PARD3B: variants seen among roughly 807,000 people sequenced by gnomAD.
The protein encoded by PARD3B is partitioning defective 3 homolog B.
A neutral mutation model predicts 130.2 loss-of-function variants in PARD3B; 103 were observed. The ratio of observed to expected loss-of-function variants is 0.79; its 90% CI spans 0.67 to 0.93. The LOEUF is 0.93. Among genes scored for constraint, PARD3B ranks in the 40% least tolerant of loss-of-function variants. The probability of loss-of-function intolerance (pLI) is 0.00; values close to 1 mark genes in which losing one functional copy is unlikely to be tolerated. For missense variants in PARD3B, 1,609 were observed against 1,499.2 expected, an observed-to-expected ratio of 1.07 and a Z score of -1.21; for synonymous variants, 583 against 553.2, an observed-to-expected ratio of 1.05 and a Z score of -0.76.
intron 22 of PARD3B, among the ~76,000 whole-genome samples, chr2:205,603,561 T>C (rs1289189422): frequency 5.3e-5 from 8 of 152,252 alleles, no homozygotes; most frequent in African/African-American, 1.2e-4. Context: ...ATATTTAAGA[T>C]AGTTAGCTCT....
At chr2:205,221,302 A>C (rs1438795997) in intron 15 of PARD3B, among the ~76,000 whole-genome samples, 1 of 152,184 alleles carries the variant, frequency 6.6e-6, no homozygotes, top group African/African-American at 2.4e-5. Context: ...TTACAACCTC[A>C]GTGCCTAGCA....
intron 18 of PARD3B, among the ~76,000 whole-genome samples, chr2:205,338,929 G>A (rs1386243073): frequency 6.6e-6 from 1 of 152,152 alleles, no homozygotes; most frequent in African/African-American, 2.4e-5. Context: ...TCTGGAAAAA[G>A]TCCAGAGATT....
At chr2:205,436,016 G>A (rs1042269653) in intron 19 of PARD3B, among the ~76,000 whole-genome samples, 2 of 152,078 alleles carry the variant, frequency 1.3e-5, no homozygotes, top group East Asian at 1.9e-4. Context: ...TAAGATCAAG[G>A]TGCCATCAGG....
intron 18 of PARD3B, among the ~76,000 whole-genome samples, chr2:205,361,930 A>G (rs1238763576): frequency 6.6e-6 from 1 of 152,148 alleles, no homozygotes; most frequent in Non-Finnish European, 1.5e-5. Flanking sequence ...ATCTTAAATT[A>G]GTCCCTATTT....
At chr2:205,202,827 G>A (rs1472337267) in intron 15 of PARD3B, among the ~76,000 whole-genome samples, 1 of 152,126 alleles carries the variant, frequency 6.6e-6, no homozygotes, top group Non-Finnish European at 1.5e-5. Context: ...TTAGAAATGA[G>A]CTTCTACATC....
chr2:205,460,261 C>T lies in PARD3B; in HGVS notation c.3044+19589C>T, dbSNP rs6737969. ...GGATATGCAGTTCGTAAATTTCCTACTGGGTCATTTTTTTTCTGAGAGGGT... is the reference window on the plus strand; with the variant it reads ...GGATATGCAGTTCGTAAATTTCCTATTGGGTCATTTTTTTTCTGAGAGGGT... On this transcript the variant is annotated intron_variant, in intron 20 of 22. Transcript: ENST00000406610. The surrounding 1 kb of genome is among the most constrained non-coding windows in gnomAD (Gnocchi z 4.9). Among the ~76,000 whole-genome samples, 378 of 152,246 alleles carry T rather than the reference C, an allele frequency of 2.5e-3. 1 individual carries two copies. The highest frequency in any genetic ancestry group is 8.5e-3 in the African/African-American group (355 of 41,548).
At chr2:205,500,327 C>G (rs949073980) in intron 21 of PARD3B, among the ~76,000 whole-genome samples, 1 of 152,140 alleles carries the variant, frequency 6.6e-6, no homozygotes. Flanking sequence ...GGATCTTTGT[C>G]ACCATCCACT....
In PARD3B at chr2:205,160,045, T is replaced by C. The variant is rs2034416131; in HGVS notation, c.1620+1138T>C. Among the ~76,000 whole-genome samples, 1 of 152,216 alleles carries C rather than the reference T, an allele frequency of 6.6e-6. No individual in the cohort carries two copies. The highest frequency in any genetic ancestry group is 2.4e-5 in the African/African-American group (1 of 41,460). ...ACCCCTGCACCTAGAATTCTGGCTT[T>C]GTTGAAGCAACTGTCGTCTCACACT... On this transcript the variant is annotated intron_variant, in intron 11 of 22. Coordinates refer to ENST00000406610, the MANE Select transcript of PARD3B (RefSeq NM_001302769.2). This position sits in a 1 kb window ranked among gnomAD's most constrained non-coding sequence, Gnocchi z 4.0.
chr2:205,343,326 G>A lies in PARD3B; in HGVS notation c.2630+41625G>A, dbSNP rs577127815. On this transcript the variant is annotated intron_variant, in intron 18 of 22. Coordinates refer to ENST00000406610, the MANE Select transcript of PARD3B (RefSeq NM_001302769.2). Reference sequence around the variant, plus strand: ...AGCCAATAACATGTGCTCCGAGCATGAAGGAGATAAAAATGGTGTGACTCT... The same window carrying A: ...AGCCAATAACATGTGCTCCGAGCATAAAGGAGATAAAAATGGTGTGACTCT... 1.2e-4 allele frequency among the ~76,000 whole-genome samples: 19 copies of A among 152,316 alleles called. No homozygotes were observed. In the East Asian group the frequency reaches 2.7e-3, roughly 22 times the overall value.
At chr2:204,811,084 T>TGAA (rs1351010941) in intron 2 of PARD3B, among the ~76,000 whole-genome samples, 1 of 152,170 alleles carries the variant, frequency 6.6e-6, no homozygotes, top group African/African-American at 2.4e-5. Context: ...CTAGGTTTTC[T>TGAA]AGTTCATGTG....
chr2:205,506,148 C>T (rs1575190030), intron 21 of PARD3B, among the ~76,000 whole-genome samples: 1 of 152,124 alleles, frequency 6.6e-6, no homozygotes, highest in East Asian at 1.9e-4. Flanking sequence ...ACCTGGCCAA[C>T]ATGGTGAAAC....
At chr2:205,126,752 C>CAAAAAAAAAAAAAAAA (rs4045004) in intron 10 of PARD3B, among the ~76,000 whole-genome samples, 10 of 74,454 alleles carry the variant, frequency 1.3e-4, no homozygotes, top group Non-Finnish European at 2.0e-4. Flanking sequence ...GACTCCGTCT[C>CAAAAAAAAAAAAAAAA]AAAAAAAAAA....
rs112635520 is a variant in PARD3B at position 205,600,677 on chromosome 2, C to T, written c.3261-14779C>T. On this transcript the variant is annotated intron_variant, in intron 22 of 22. Transcript: ENST00000406610. ...CCTCCCACTGCCACCCCGACAGGTC[C>T]CAGTGTGTGTTGTTCCCCTCTCTGT... is the stretch of plus-strand genomic sequence containing the variant. Among the ~76,000 whole-genome samples, 539 of 152,270 alleles carry T rather than the reference C, an allele frequency of 3.5e-3. 4 individuals carry two copies. The highest frequency in any genetic ancestry group is 5.7e-3 in the Non-Finnish European group (390 of 68,012).
At chr2:205,155,402 A>C (rs1259867589) in intron 10 of PARD3B, among the ~76,000 whole-genome samples, 2 of 152,228 alleles carry the variant, frequency 1.3e-5, no homozygotes, top group African/African-American at 4.8e-5. Context: ...AATGGATTTA[A>C]GTGTTTAAAG....
chr2:205,065,213 C>G (rs1700292446), intron 4 of PARD3B, among the ~76,000 whole-genome samples: 2 of 152,010 alleles, frequency 1.3e-5, no homozygotes, highest in Non-Finnish European at 2.9e-5. Context: ...TGAATTTATT[C>G]AAAGATGCCA....
At chr2:204,931,937 A>T (rs1184269651) in intron 2 of PARD3B, among the ~76,000 whole-genome samples, 1 of 152,074 alleles carries the variant, frequency 6.6e-6, no homozygotes, top group Non-Finnish European at 1.5e-5. Context: ...ACCTTTGATT[A>T]TGAGCAGTAT....
chr2:204,896,008 A>C (rs2046627740), intron 2 of PARD3B, among the ~76,000 whole-genome samples: 2 of 152,056 alleles, frequency 1.3e-5, no homozygotes, highest in African/African-American at 4.8e-5. Flanking sequence ...AGCATAAATA[A>C]TTTTCTGTGA....
intron 11 of PARD3B, among the ~76,000 whole-genome samples, chr2:205,171,807 AG>A (rs2035187529): frequency 1.3e-5 from 2 of 152,192 alleles, no homozygotes; most frequent in Admixed American, 1.3e-4. Context: ...GTGCCTGAAA[AG>A]GCAAATTCTC....
intron 18 of PARD3B, among the ~76,000 whole-genome samples, chr2:205,392,635 C>T (rs16837286): frequency 0.032 from 4,836 of 152,216 alleles, 237 homozygotes; most frequent in African/African-American, 0.11. Flanking sequence ...TTGAGTTTGT[C>T]GTTCGTTATT....
Sources: allele counts gnomAD v4.1 joint callset (sites outside exome capture counted in the v4.1 genomes callset), GRCh38; gene constraint gnomAD v4.1.1; non-coding constraint Gnocchi (gnomAD v3.1); transcripts MANE v1.5; gene names NCBI Gene and HGNC (gene_info 2026-07-23, HGNC 2026-07-21).